ITSN1: variants seen among roughly 807,000 people sequenced by gnomAD.
The protein encoded by ITSN1 is intersectin 1.
ITSN1 carries 58 observed loss-of-function variants against 239.8 expected under a neutral mutation model. That is an observed-to-expected ratio of 0.24 (90% CI 0.20 to 0.30). ITSN1 has a LOEUF of 0.30. ITSN1 is among the 10% of genes least tolerant of loss of function. ITSN1 has a pLI of 1.00. For missense variants in ITSN1, 1,558 were observed against 2,103.3 expected, an observed-to-expected ratio of 0.74 and a Z score of 5.07; for synonymous variants, 780 against 770.8, an observed-to-expected ratio of 1.01 and a Z score of -0.20.
chr21:33,676,236 G>A (rs888826815), intron 1 of ITSN1, among the ~76,000 whole-genome samples: 2 of 152,000 alleles, frequency 1.3e-5, no homozygotes, highest in African/African-American at 4.8e-5. Flanking sequence ...CTCCGCTTCG[G>A]CCTCCCAGAG....
intron 34 of ITSN1, among the ~76,000 whole-genome samples, chr21:33,877,507 A>G (rs970444210): frequency 2.6e-5 from 4 of 152,174 alleles, no homozygotes; most frequent in Admixed American, 1.3e-4. Flanking sequence ...TAAAGCACAC[A>G]TTCTCAGGGC....
chr21:33,805,768 T>G (rs1433041514), intron 20 of ITSN1, among the ~76,000 whole-genome samples: 1 of 150,070 alleles, frequency 6.7e-6, no homozygotes, highest in Non-Finnish European at 1.5e-5. Flanking sequence ...GCCTCCCGGG[T>G]TCACGCCATT....
At chr21:33,854,875 A>G (rs1046472457) in intron 29 of ITSN1, among the ~76,000 whole-genome samples, 1 of 152,130 alleles carries the variant, frequency 6.6e-6, no homozygotes, top group Admixed American at 6.5e-5. Flanking sequence ...GGGTGTTGAT[A>G]TAATGATGAC....
chr21:33,823,467 T>G lies in ITSN1; in HGVS notation c.3017-20T>G. On this transcript the variant is annotated intron_variant, in intron 24 of 39. Transcript: ENST00000381318. ...TAAACAATCAAGCTCTCTCCGTATC[T>G]CAATATTTCTCCCCACCAGAATTTA... The G allele has an allele frequency of 6.2e-7, 1 of 1,607,330 alleles. No individual in the cohort carries two copies. Among genetic ancestry groups the G allele is most frequent in the South Asian group, 1.1e-5 (1 of 90,280 alleles).
At chr21:33,814,956 G>A (rs900442091) in intron 22 of ITSN1, among the ~76,000 whole-genome samples, 22 of 152,300 alleles carry the variant, frequency 1.4e-4, no homozygotes, top group East Asian at 5.8e-4. Flanking sequence ...TATGGGAGCC[G>A]AAGGAAAGGA....
At position 33,865,993 on chromosome 21, in the gene ITSN1, C is replaced by T. The variant is rs1368368116; in HGVS notation, c.4074+659C>T. Among the ~76,000 whole-genome samples, 1 of 152,002 alleles carries T rather than the reference C, an allele frequency of 6.6e-6. No individual in the cohort carries two copies. The highest frequency in any genetic ancestry group is 1.5e-5 in the Non-Finnish European group (1 of 67,992). On this transcript the variant is annotated intron_variant, in intron 32 of 39. Coordinates refer to ENST00000381318, the MANE Select transcript of ITSN1 (RefSeq NM_003024.3). The surrounding 1 kb of genome is among the most constrained non-coding windows in gnomAD (Gnocchi z 4.4). ...TGGGCCATTCAAACAGCCCCCACAT[C>T]TCCTGGAGAAAAAAAGGAGGAAGAG... is the stretch of plus-strand genomic sequence containing the variant.
At chr21:33,736,500 G>A (rs1265160075) in intron 5 of ITSN1, among the ~76,000 whole-genome samples, 1 of 152,230 alleles carries the variant, frequency 6.6e-6, no homozygotes, top group Non-Finnish European at 1.5e-5. Context: ...CCATATATGA[G>A]CAAAGGCGAG....
At chr21:33,829,041 C>G (rs1193164464) in intron 26 of ITSN1, 1 of 468,240 alleles carries the variant, frequency 2.1e-6, no homozygotes, top group Non-Finnish European at 4.4e-6. Flanking sequence ...TCAGGGATCA[C>G]TCTCAAAATG....
At chr21:33,653,547 G>A (rs972548353) in intron 1 of ITSN1, among the ~76,000 whole-genome samples, 1 of 151,702 alleles carries the variant, frequency 6.6e-6, no homozygotes, top group Non-Finnish European at 1.5e-5. Context: ...TTTTGAGACA[G>A]AGTCTCGCTC....
At chr21:33,662,796 T>C (rs567695769) in intron 1 of ITSN1, among the ~76,000 whole-genome samples, 2 of 152,342 alleles carry the variant, frequency 1.3e-5, no homozygotes, top group African/African-American at 4.8e-5. Flanking sequence ...GGATGAGTAC[T>C]GAGTACCCTT....
intron 12 of ITSN1, among the ~76,000 whole-genome samples, chr21:33,773,768 C>T (rs2147805282): frequency 6.6e-6 from 1 of 152,246 alleles, no homozygotes; most frequent in African/African-American, 2.4e-5. Context: ...CAGCCTTCAC[C>T]TCCTGGGTTC....
intron 5 of ITSN1, among the ~76,000 whole-genome samples, chr21:33,736,848 A>G (rs1222452608): frequency 1.3e-5 from 2 of 152,164 alleles, no homozygotes; most frequent in Non-Finnish European, 2.9e-5. Flanking sequence ...AACCAGGCAT[A>G]GTGGTGGGTG....
At position 33,899,555 on chromosome 21, in the gene ITSN1, A is replaced by G. The variant is rs1986980587; in HGVS notation, c.*11255A>G. On this transcript the variant is annotated 3_prime_UTR_variant, in exon 40 of 40. Coordinates refer to ENST00000381318, the MANE Select transcript of ITSN1 (RefSeq NM_003024.3). ...ACGTATTTGTCTAAAGGTTTGATGA[A>G]GCAGGGCCAAAACATTGTTTCTTCT... 6.6e-6 allele frequency: 1 copy of G among 152,232 alleles called. No individual in the cohort carries two copies. Among genetic ancestry groups the G allele is most frequent in the Admixed American group, 6.5e-5 (1 of 15,288 alleles). The allele number at this position is 152,232 out of a possible 1,614,324, so 9.4% of individuals were successfully genotyped here.
intron 1 of ITSN1, among the ~76,000 whole-genome samples, chr21:33,690,338 C>A (rs1364515692): frequency 1.3e-5 from 2 of 149,570 alleles, no homozygotes; most frequent in Non-Finnish European, 3.0e-5. Context: ...CAGTGGCTCA[C>A]CCTGTAATCC....
At chr21:33,699,004 A>G (rs890726733) in intron 1 of ITSN1, among the ~76,000 whole-genome samples, 21 of 152,164 alleles carry the variant, frequency 1.4e-4, no homozygotes, top group African/African-American at 5.1e-4. Context: ...TGTTTGGGGT[A>G]TCTTTTAATT....
intron 22 of ITSN1, chr21:33,817,764 CT>C: frequency 1.4e-6 from 1 of 726,790 alleles, no homozygotes; most frequent in Non-Finnish European, 1.9e-6. Flanking sequence ...CCTGTTTTCT[CT>C]GAAAAGGAAC....
At chr21:33,875,869 T>TG (rs1983649848) in intron 34 of ITSN1, among the ~76,000 whole-genome samples, 1 of 152,180 alleles carries the variant, frequency 6.6e-6, no homozygotes, top group Non-Finnish European at 1.5e-5. Flanking sequence ...TTAGTAGAGA[T>TG]GGGGTTTCCC....
chr21:33,844,653 G>A (rs1458339188), intron 29 of ITSN1, among the ~76,000 whole-genome samples: 2 of 152,032 alleles, frequency 1.3e-5, no homozygotes, highest in East Asian at 1.9e-4. Context: ...CCCCCAAGAT[G>A]CCTCTCAATA....
At chr21:33,789,280 G>A (rs1253993823) in intron 16 of ITSN1, among the ~76,000 whole-genome samples, 1 of 152,134 alleles carries the variant, frequency 6.6e-6, no homozygotes, top group Non-Finnish European at 1.5e-5. Flanking sequence ...TTTTATGGAT[G>A]TGATATTATA....
Sources: gnomAD v4.1 joint callset for allele counts (sites outside exome capture counted in the v4.1 genomes callset) on GRCh38, gnomAD v4.1.1 for gene constraint, Gnocchi (gnomAD v3.1) non-coding constraint, MANE v1.5 for transcripts, NCBI Gene and HGNC (gene_info 2026-07-23, HGNC 2026-07-21) for gene names.